The following GRM5 variants were observed in gnomAD, a reference collection of about 807,000 sequenced individuals.
GRM5 encodes glutamate metabotropic receptor 5, also known as metabotropic glutamate receptor 5.
GRM5 carries 19 observed loss-of-function variants against 83.1 expected under a neutral mutation model. That is an observed-to-expected ratio of 0.23 (90% confidence interval 0.16 to 0.34). The LOEUF is 0.34. Among genes scored for constraint, GRM5 ranks in the 10% least tolerant of loss-of-function variants. The probability of loss-of-function intolerance (pLI) is 1.00; values close to 1 mark genes in which losing one functional copy is unlikely to be tolerated. For missense variants in GRM5, 1,160 were observed against 1,588.3 expected (o/e 0.73, Z 4.58); for synonymous variants, 675 against 633.6 (o/e 1.07, Z -0.98).
intron 3 of GRM5, among the ~76,000 whole-genome samples, chr11:88,771,976 G>T (rs953201801): frequency 6.6e-6 from 1 of 151,778 alleles, no homozygotes; most frequent in Non-Finnish European, 1.5e-5. Flanking sequence ...TTTGGAGACT[G>T]ACTTCTTTTA....
At chr11:88,637,030 T>C (rs1395875847) in intron 4 of GRM5, among the ~76,000 whole-genome samples, 1 of 152,300 alleles carries the variant, frequency 6.6e-6, no homozygotes, top group Non-Finnish European at 1.5e-5. Flanking sequence ...GACTTGGCAA[T>C]GCGGGCTCTT....
chr11:88,939,572 T>A (rs1431772236), intron 2 of GRM5, among the ~76,000 whole-genome samples: 1 of 151,824 alleles, frequency 6.6e-6, no homozygotes, highest in Non-Finnish European at 1.5e-5. Flanking sequence ...ACCGGATAAC[T>A]CCATGTACAG....
intron 3 of GRM5, among the ~76,000 whole-genome samples, chr11:88,821,595 C>A (rs142993541): frequency 3.3e-5 from 5 of 152,206 alleles, no homozygotes; most frequent in South Asian, 2.1e-4. Flanking sequence ...ATTTGATATT[C>A]CCAAGCTCTA....
chr11:88,872,986 T>C (rs1828159), intron 2 of GRM5, among the ~76,000 whole-genome samples: 66,742 of 148,972 alleles, frequency 0.45, 15,159 homozygotes, highest in East Asian at 0.57. Context: ...TCTATAAAGA[T>C]ACACGAAGAC....
intron 8 of GRM5, among the ~76,000 whole-genome samples, chr11:88,563,145 C>T (rs998827526): frequency 7.2e-5 from 11 of 152,132 alleles, no homozygotes; most frequent in South Asian, 6.2e-4. Flanking sequence ...ATACTTTCTA[C>T]GTGCTGGTAC....
At chr11:88,726,547 A>T (rs1253370381) in intron 3 of GRM5, among the ~76,000 whole-genome samples, 2 of 152,226 alleles carry the variant, frequency 1.3e-5, no homozygotes, top group East Asian at 3.9e-4. Context: ...AAACACCACA[A>T]AGATAATCCT....
In GRM5 at chr11:88,696,333, G is replaced by A. The variant is rs569880785; in HGVS notation, c.912-42930C>T. Among the ~76,000 whole-genome samples the A allele has an allele frequency of 2.7e-4, 41 of 152,196 alleles. No homozygotes were observed. In the South Asian group the frequency reaches 8.1e-3, roughly 30 times the overall value. On this transcript the variant is annotated intron_variant, in intron 3 of 9. Transcript: ENST00000305447. ...GGGTTTCCGGTGTTTTATGGGCACA[G>A]AATGGGGGCATGGCAGGCCAGAGTG...
At chr11:88,708,326 CAG>C (rs1941206420) in intron 3 of GRM5, among the ~76,000 whole-genome samples, 2 of 152,022 alleles carry the variant, frequency 1.3e-5, no homozygotes, top group Admixed American at 1.3e-4. Context: ...CTGAATGAAA[CAG>C]GGAATAATTT....
chr11:88,724,951 G>C (rs971356435), intron 3 of GRM5, among the ~76,000 whole-genome samples: 1 of 152,122 alleles, frequency 6.6e-6, no homozygotes, highest in Admixed American at 6.5e-5. Context: ...CAGGGTTTTG[G>C]GTTTCAAGCA....
At chr11:88,586,596 G>T (rs1591365879) in intron 7 of GRM5, among the ~76,000 whole-genome samples, 1 of 152,152 alleles carries the variant, frequency 6.6e-6, no homozygotes, top group Non-Finnish European at 1.5e-5. Flanking sequence ...CCTTTCTGTG[G>T]CAGGCTTTGG....
Position 88,598,594 on chromosome 11 carries a change from G to A in GRM5, c.1395-1242C>T, listed in dbSNP as rs538450764. On this transcript the variant is annotated intron_variant, in intron 5 of 9. Transcript: ENST00000305447. ...TTATAGGATACTTTCCTTCCCTCTC[G>A]GTCACAATTATCCTTTGGCCTCTGT... Among the ~76,000 whole-genome samples the A allele has an allele frequency of 1.2e-4, 18 of 151,880 alleles. No homozygotes were observed. In the East Asian group the frequency reaches 2.7e-3, roughly 23 times the overall value.
intron 4 of GRM5, among the ~76,000 whole-genome samples, chr11:88,633,061 G>A (rs1231175856): frequency 6.6e-6 from 1 of 152,124 alleles, no homozygotes; most frequent in Middle Eastern, 3.2e-3. Context: ...ATGTATGGTT[G>A]GCAGATAGGT....
intron 5 of GRM5, among the ~76,000 whole-genome samples, chr11:88,599,348 C>A (rs1937911252): frequency 6.6e-6 from 1 of 152,100 alleles, no homozygotes; most frequent in East Asian, 1.9e-4. Context: ...ACAATGAATC[C>A]TCTCTTTGGA....
At chr11:88,850,199 T>C (rs368999339) in intron 2 of GRM5, 44 bp from the exon 3 acceptor site, 16 of 847,678 alleles carry the variant, frequency 1.9e-5, no homozygotes, top group African/African-American at 1.5e-4. Flanking sequence ...GAAATGAGAG[T>C]GTTGCATTAA....
At chr11:89,065,674 T>C (rs1942086065) in intron 1 of GRM5, 102 bp downstream of exon 1, 1 of 152,298 alleles carries the variant, frequency 6.6e-6, no homozygotes, top group Admixed American at 6.5e-5. Flanking sequence ...CTCCCGCCCC[T>C]TGCTTGATTG....
At chr11:89,064,212 A>G (rs1942054061) in intron 1 of GRM5, among the ~76,000 whole-genome samples, 1 of 152,210 alleles carries the variant, frequency 6.6e-6, no homozygotes, top group Non-Finnish European at 1.5e-5. Flanking sequence ...TTTCCTTGCC[A>G]CCAAACCTTC....
intron 3 of GRM5, among the ~76,000 whole-genome samples, chr11:88,692,378 A>T (rs1031008064): frequency 6.6e-6 from 1 of 152,208 alleles, no homozygotes; most frequent in South Asian, 2.1e-4. Flanking sequence ...AGATGCATTA[A>T]TGGATGAATG....
At chr11:88,667,311 A>G (rs75437397) in intron 3 of GRM5, among the ~76,000 whole-genome samples, 28 of 152,304 alleles carry the variant, frequency 1.8e-4, no homozygotes, top group African/African-American at 6.7e-4. Context: ...AAGAGAATAG[A>G]GTAGAAATCA....
intron 3 of GRM5, among the ~76,000 whole-genome samples, chr11:88,662,378 A>T (rs1939930347): frequency 6.6e-6 from 1 of 152,162 alleles, no homozygotes; most frequent in African/African-American, 2.4e-5. Flanking sequence ...CTGTGTCTTG[A>T]TGAATTTTAT....
Sources: gnomAD v4.1 joint callset for allele counts (sites outside exome capture counted in the v4.1 genomes callset) on GRCh38, gnomAD v4.1.1 for gene constraint, MANE v1.5 for transcripts, NCBI Gene and HGNC (gene_info 2026-07-23, HGNC 2026-07-21) for gene names.